The following IQCK variants were observed in gnomAD, a reference collection of about 807,000 sequenced individuals.
IQCK encodes IQ motif containing K, also known as IQ domain-containing protein K.
In IQCK, 29 loss-of-function variants were observed where a neutral mutation model predicts 28.1. That is an observed-to-expected ratio of 1.03 (90% CI 0.77 to 1.41). IQCK has a LOEUF of 1.41. Among genes scored for constraint, IQCK ranks in the 40% most tolerant of loss-of-function variants. The pLI is 0.00. For missense variants in IQCK, 359 were observed against 314.7 expected, an observed-to-expected ratio of 1.14 and a Z score of -1.07; for synonymous variants, 113 against 115.1, an observed-to-expected ratio of 0.98 and a Z score of 0.12.
intron 7 of IQCK, among the ~76,000 whole-genome samples, chr16:19,798,754 C>CT (rs202129253): frequency 2.2e-4 from 3 of 13,776 alleles, no homozygotes; most frequent in African/African-American, 4.2e-3. Flanking sequence ...GTTTTGGGGT[C>CT]TTTTTTTTTG....
chr16:19,838,300 T>G (rs933758785), intron 9 of IQCK, among the ~76,000 whole-genome samples: 4 of 152,204 alleles, frequency 2.6e-5, no homozygotes, highest in East Asian at 1.9e-4. Context: ...TCCGGAAGTT[T>G]AGAGGGTGAG....
At chr16:19,850,064 C>T (rs904408452) in intron 9 of IQCK, among the ~76,000 whole-genome samples, 1 of 152,238 alleles carries the variant, frequency 6.6e-6, no homozygotes, top group African/African-American at 2.4e-5. Context: ...CATTATATTA[C>T]ATCACATCAA....
At chr16:19,808,638 T>C (rs1036811162) in intron 7 of IQCK, among the ~76,000 whole-genome samples, 1 of 152,222 alleles carries the variant, frequency 6.6e-6, no homozygotes, top group African/African-American at 2.4e-5. Flanking sequence ...ACTGGTTATA[T>C]ATTAATTTGC....
At chr16:19,785,040 A>G (rs1336698835) in intron 6 of IQCK, among the ~76,000 whole-genome samples, 1 of 152,198 alleles carries the variant, frequency 6.6e-6, no homozygotes, top group East Asian at 1.9e-4. Flanking sequence ...AAGTGCTGGG[A>G]TTACAGGCCC....
chr16:19,737,749 C>A (rs1368476268), intron 4 of IQCK, among the ~76,000 whole-genome samples: 1 of 152,066 alleles, frequency 6.6e-6, no homozygotes, highest in African/African-American at 2.4e-5. Context: ...GCAGTGCTCC[C>A]CTTCCCGATG....
downstream of IQCK, among the ~76,000 whole-genome samples, chr16:19,828,231 C>CTTTTTTTTT (rs749049124): frequency 9.1e-4 from 98 of 107,194 alleles, no homozygotes; most frequent in Non-Finnish European, 1.2e-3. Context: ...TCTTTCTTTT[C>CTTTTTTTTT]TTTTTTTTTT....
chr16:19,749,563 C>T (rs552562532), intron 4 of IQCK, among the ~76,000 whole-genome samples: 2 of 152,064 alleles, frequency 1.3e-5, no homozygotes, highest in Non-Finnish European at 2.9e-5. Context: ...AATTTAAGAC[C>T]AGCCTTGGGC....
In IQCK at chr16:19,813,415, G is replaced by C. The variant is rs75844660; in HGVS notation, c.691-13611G>C. Reference sequence around the variant, plus strand: ...AACTATGCAAAGAAGAAGCCAGCAAGCTATCTTAAAGGAAAGATTACCTAC... The same window carrying C: ...AACTATGCAAAGAAGAAGCCAGCAACCTATCTTAAAGGAAAGATTACCTAC... On this transcript the variant is annotated intron_variant, in intron 7 of 7. Transcript: ENST00000564186. 1.4e-3 allele frequency among the ~76,000 whole-genome samples: 207 copies of C among 151,462 alleles called. 5 individuals are homozygous for C. In the East Asian group the frequency reaches 0.027, roughly 20 times the overall value.
At chr16:19,718,432 G>C in exon 1 of IQCK, 1 of 1,606,562 alleles carries the variant, frequency 6.2e-7, no homozygotes. Context: ...TGCCTGTCTC[G>C]TCGTGGCAGG....
intron 4 of IQCK, among the ~76,000 whole-genome samples, chr16:19,753,923 G>A (rs1382832743): frequency 1.3e-5 from 2 of 152,020 alleles, no homozygotes; most frequent in Non-Finnish European, 2.9e-5. Context: ...TTTCAGGAAA[G>A]CAAAGGAAAT....
At chr16:19,721,618 C>T (rs1017641814) in intron 1 of IQCK, among the ~76,000 whole-genome samples, 1 of 148,472 alleles carries the variant, frequency 6.7e-6, no homozygotes, top group Non-Finnish European at 1.5e-5. Context: ...TGAAGTCTGG[C>T]TCTGTCACCC....
chr16:19,785,665 G>A (rs1452661316), intron 6 of IQCK, among the ~76,000 whole-genome samples: 2 of 152,112 alleles, frequency 1.3e-5, no homozygotes, highest in Non-Finnish European at 2.9e-5. Flanking sequence ...TTCAGCCTCT[G>A]GTTGGCTGCT....
chr16:19,729,731 G>A (rs1445174505), intron 1 of IQCK, among the ~76,000 whole-genome samples: 9 of 151,576 alleles, frequency 5.9e-5, no homozygotes, highest in Non-Finnish European at 8.8e-5. Context: ...TGCAAGCTCC[G>A]CCTCCCGGGT....
At chr16:19,778,596 G>A (rs570130136) in intron 6 of IQCK, among the ~76,000 whole-genome samples, 20 of 152,144 alleles carry the variant, frequency 1.3e-4, no homozygotes, top group African/African-American at 3.4e-4. Context: ...GATGGAGGCT[G>A]CAGCGAGCCA....
At chr16:19,769,501 C>A (rs1347700999) in intron 6 of IQCK, among the ~76,000 whole-genome samples, 1 of 152,110 alleles carries the variant, frequency 6.6e-6, no homozygotes, top group African/African-American at 2.4e-5. Flanking sequence ...TGTGACATTC[C>A]AGGCCAAAGA....
chr16:19,818,259 A>G (rs547121798), intron 7 of IQCK, among the ~76,000 whole-genome samples: 1 of 152,272 alleles, frequency 6.6e-6, no homozygotes, highest in South Asian at 2.1e-4. Context: ...CTGGTTTGTA[A>G]TCATAAAGAT....
At chr16:19,857,217 A>G (rs768322771) in exon 10 of IQCK, 1 of 272,128 alleles carries the variant, frequency 3.7e-6, no homozygotes, top group South Asian at 3.6e-5. Flanking sequence ...TTAAAATGCC[A>G]CAGACCGACC....
rs2054924649 is a variant in IQCK at position 19,747,346 on chromosome 16, AG to A, written c.474+11898del. The stretch of plus-strand genomic sequence containing the variant: ...ACCCTAGGTTGTTCATAGGGCAGCC[AG>A]GCAGGGTTGCTTCAATTCAATTAGA... On this transcript the variant is annotated intron_variant, in intron 4 of 7. Transcript: ENST00000564186. Among the ~76,000 whole-genome samples, 3 of 152,278 alleles carry A rather than the reference AG, an allele frequency of 2.0e-5. No homozygotes were observed. In the South Asian group the frequency reaches 6.2e-4, roughly 32 times the overall value.
At chr16:19,751,280 A>G (rs2054983128) in intron 4 of IQCK, among the ~76,000 whole-genome samples, 1 of 151,966 alleles carries the variant, frequency 6.6e-6, no homozygotes, top group Admixed American at 6.6e-5. Flanking sequence ...GTCACTTGAG[A>G]CCAGGAATTG....
Sources: gnomAD v4.1 joint callset for allele counts (sites outside exome capture counted in the v4.1 genomes callset) on GRCh38, gnomAD v4.1.1 for gene constraint, MANE v1.5 for transcripts, NCBI Gene and HGNC (gene_info 2026-07-23, HGNC 2026-07-21) for gene names.